The following ANKRD18B variants were observed in gnomAD, a reference collection of about 807,000 sequenced individuals.
The protein encoded by ANKRD18B is ankyrin repeat domain-containing protein 18B.
A neutral mutation model predicts 111.8 loss-of-function variants in ANKRD18B; 75 were observed. That is an observed-to-expected ratio of 0.67 (90% CI 0.56 to 0.81). The LOEUF (loss-of-function observed/expected upper bound fraction) is 0.81, where lower values mean the gene tolerates loss of function less well. Among genes scored for constraint, ANKRD18B ranks in the 40% least tolerant of loss-of-function variants. The pLI is 0.00. For missense variants in ANKRD18B, 1,038 were observed against 1,225.5 expected (o/e 0.85, Z 2.28); for synonymous variants, 356 against 417.3 (o/e 0.85, Z 1.79).
chr9:33,555,812 G>T lies in ANKRD18B; in HGVS notation c.2322G>T (p.Glu774Asp). 7.2e-7 allele frequency: 1 copy of T among 1,381,390 alleles called. No homozygotes were observed. Among genetic ancestry groups the T allele is most frequent in the Non-Finnish European group, 9.4e-7 (1 of 1,063,090 alleles). The allele number at this position is 1,381,390 out of a possible 1,614,324, so 85.6% of individuals were successfully genotyped here. A position where few individuals can be genotyped will look rare whatever the true frequency, so the allele number is the denominator to read the frequency against. Reference protein sequence around the residue: ...IRKKNRELEEEATGYKKCLEM... With the variant: ...IRKKNRELEEDATGYKKCLEM... ...AGAAAAATCGTGAATTAGAAGAAGAGGCAACTGGGTATGGTTTTCATATTG... is the reference window on the plus strand; with the variant it reads ...AGAAAAATCGTGAATTAGAAGAAGATGCAACTGGGTATGGTTTTCATATTG... Residue 774 changes from glutamate to aspartate, a missense_variant, in exon 13 of 19, where the codon GAG (glutamate) becomes GAT (aspartate). Transcript: ENST00000684830.
chr9:33,557,669 C>T (rs1286664365), intron 13 of ANKRD18B, among the ~76,000 whole-genome samples: 1 of 152,054 alleles, frequency 6.6e-6, no homozygotes, highest in East Asian at 1.9e-4. Context: ...TGCCTGTAAT[C>T]CCAGCTTACT....
chr9:33,530,527 C>CAAAAAAAAAAAA, intron 3 of ANKRD18B, among the ~76,000 whole-genome samples: 1 of 82,990 alleles, frequency 1.2e-5, no homozygotes. Context: ...ACAACAAGAG[C>CAAAAAAAAAAAA]AAAAAAAAAA....
At chr9:33,529,326 T>C (rs1255162812) in intron 3 of ANKRD18B, among the ~76,000 whole-genome samples, 153 bp downstream of exon 3, 1 of 152,218 alleles carries the variant, frequency 6.6e-6, no homozygotes, top group Non-Finnish European at 1.5e-5. Flanking sequence ...GTTGATACTT[T>C]TAAAGGAGCA....
chr9:33,533,799 A>G lies in ANKRD18B; in HGVS notation c.602+254A>G, dbSNP rs1828151936. 5 of 670,406 alleles carry G rather than the reference A, an allele frequency of 7.5e-6. No individual in the cohort carries two copies. In the South Asian group the frequency reaches 2.8e-4, roughly 38 times the overall value. The allele number at this position is 670,406 out of a possible 1,614,324, so 41.5% of individuals were successfully genotyped here. On this transcript the variant is annotated intron_variant, in intron 4 of 18. Coordinates refer to ENST00000684830, the MANE Select transcript of ANKRD18B (RefSeq NM_001393611.1). ...TGATGTTTTTGTCCTGTAATCTTAT[A>G]TTAGCTAAAGGGGTTTTGTATTTTA...
At chr9:33,563,536 A>C (rs1007176591) in intron 14 of ANKRD18B, among the ~76,000 whole-genome samples, 1 of 150,974 alleles carries the variant, frequency 6.6e-6, no homozygotes, top group Non-Finnish European at 1.5e-5. Context: ...GCAGTCTGAG[A>C]TAGGGAAGCT....
At chr9:33,542,294 C>T (rs1264783708) in intron 9 of ANKRD18B, among the ~76,000 whole-genome samples, 2 of 149,020 alleles carry the variant, frequency 1.3e-5, no homozygotes, top group East Asian at 3.9e-4. Context: ...GAAGGGAGCC[C>T]CAAGAAAGGA....
chr9:33,528,925 A>T (rs1828067364), intron 2 of ANKRD18B, 75 bp from the exon 3 acceptor site: 1 of 1,573,604 alleles, frequency 6.4e-7, no homozygotes, highest in Non-Finnish European at 8.6e-7. Flanking sequence ...AAATATAGCT[A>T]GTTGGTGAAA....
chr9:33,547,012 C>T (rs867509381), intron 10 of ANKRD18B, among the ~76,000 whole-genome samples: 1 of 151,870 alleles, frequency 6.6e-6, no homozygotes, highest in Non-Finnish European at 1.5e-5. Flanking sequence ...ATCCCAGGAA[C>T]CAAATGAAAA....
intron 1 of ANKRD18B, among the ~76,000 whole-genome samples, chr9:33,528,068 G>A (rs1157666793): frequency 1.3e-5 from 2 of 152,216 alleles, no homozygotes; most frequent in African/African-American, 4.8e-5. Context: ...GAAGGCTGAG[G>A]TGGGAAGTTC....
At chr9:33,562,758 T>C (rs988527772) in intron 14 of ANKRD18B, among the ~76,000 whole-genome samples, 2 of 152,220 alleles carry the variant, frequency 1.3e-5, no homozygotes, top group Non-Finnish European at 2.9e-5. Context: ...AAGTATGCTG[T>C]GTTTATTTTA....
intron 14 of ANKRD18B, among the ~76,000 whole-genome samples, chr9:33,559,958 G>GT (rs1159355703): frequency 6.6e-6 from 1 of 152,124 alleles, no homozygotes; most frequent in Non-Finnish European, 1.5e-5. Flanking sequence ...ATCTTCACTA[G>GT]TTTTCCCTTC....
intron 11 of ANKRD18B, 82 bp downstream of exon 11, chr9:33,548,937 T>A (rs1342930060): frequency 1.1e-5 from 14 of 1,242,832 alleles, no homozygotes; most frequent in Non-Finnish European, 1.5e-5. Flanking sequence ...TAGTTCAATA[T>A]AAAAATAAAT....
intron 15 of ANKRD18B, 54 bp from the exon 16 acceptor site, chr9:33,567,049 T>C: frequency 6.8e-7 from 1 of 1,474,706 alleles, no homozygotes; most frequent in South Asian, 1.4e-5. Context: ...GCAACAAACA[T>C]ATGGTAATTA....
chr9:33,524,788 T>A, intron 1 of ANKRD18B, 93 bp downstream of exon 1: 1 of 1,430,266 alleles, frequency 7.0e-7, no homozygotes. Flanking sequence ...GCCGGGACCC[T>A]GGGAGCCGCG....
At chr9:33,547,733 A>G (rs1163145632) in intron 10 of ANKRD18B, among the ~76,000 whole-genome samples, 1 of 147,392 alleles carries the variant, frequency 6.8e-6, no homozygotes, top group Non-Finnish European at 1.5e-5. Context: ...TGTTTTATGG[A>G]TTCATTGACT....
At chr9:33,542,409 T>A (rs1285677120) in intron 9 of ANKRD18B, among the ~76,000 whole-genome samples, 1 of 148,824 alleles carries the variant, frequency 6.7e-6, no homozygotes, top group Non-Finnish European at 1.5e-5. Context: ...TGGAAACAAG[T>A]TTTTACTCTG....
chr9:33,571,445 T>C (rs1828774441), intron 18 of ANKRD18B, 154 bp downstream of exon 18: 1 of 214,038 alleles, frequency 4.7e-6, no homozygotes, highest in African/African-American at 2.4e-5. Context: ...AAACAAAAAC[T>C]TTCACAGTGA....
chr9:33,553,244 T>A (rs1207563270), intron 12 of ANKRD18B, among the ~76,000 whole-genome samples: 1 of 150,694 alleles, frequency 6.6e-6, no homozygotes, highest in Non-Finnish European at 1.5e-5. Flanking sequence ...GGTGCATGCC[T>A]GTAATCCCAG....
intron 3 of ANKRD18B, among the ~76,000 whole-genome samples, chr9:33,532,213 G>A (rs566061347): frequency 1.2e-4 from 18 of 151,922 alleles, no homozygotes; most frequent in South Asian, 6.2e-4. Context: ...CAGCCTGGGC[G>A]ACAGTGTGAG....
Sources: allele counts gnomAD v4.1 joint callset (sites outside exome capture counted in the v4.1 genomes callset), GRCh38; gene constraint gnomAD v4.1.1; transcripts MANE v1.5; gene names NCBI Gene and HGNC (gene_info 2026-07-23, HGNC 2026-07-21).